VAPB: variants seen among roughly 807,000 people sequenced by gnomAD.
The protein encoded by VAPB is vesicle-associated membrane protein-associated protein B/C.
A neutral mutation model predicts 25.6 loss-of-function variants in VAPB; 7 were observed. The observed-to-expected ratio is 0.27, with a 90% CI of 0.16 to 0.51. The LOEUF (loss-of-function observed/expected upper bound fraction) is 0.51, where lower values mean the gene tolerates loss of function less well. VAPB is among the 20% of genes least tolerant of loss of function. The pLI is 0.97. For synonymous variants in VAPB, 112 were observed against 109.2 expected, an observed-to-expected ratio of 1.03 and a Z score of -0.16; for missense variants, 266 against 301.3, an observed-to-expected ratio of 0.88 and a Z score of 0.87.
chr20:58,389,253 C>A lies in VAPB; in HGVS notation c.-207C>A. ...TGCGTGCCGTCAGCTCGCCGGGCAC[C>A]GCGGCCTCGCCCTCGCCCTCCGCCC... On this transcript the variant is annotated 5_prime_UTR_variant, in exon 1 of 6. Coordinates refer to ENST00000475243, the MANE Select transcript of VAPB (RefSeq NM_004738.5). 2 of 667,318 alleles carry A rather than the reference C, an allele frequency of 3.0e-6. No individual in the cohort carries two copies. Among genetic ancestry groups the A allele is most frequent in the South Asian group, 1.5e-5 (1 of 65,086 alleles). The allele number at this position is 667,318 out of a possible 1,614,324, so 41.3% of individuals were successfully genotyped here. A position where few individuals can be genotyped will look rare whatever the true frequency, so the allele number is the denominator to read the frequency against.
In VAPB at chr20:58,446,153, G is replaced by C. The variant is rs1060844; in HGVS notation, c.*1918G>C. ...TACCCAGGCACCCATGGATTGTGTTGAGTGTGCAGACAGGGAGGCCACCCC... is the reference window on the plus strand; with the variant it reads ...TACCCAGGCACCCATGGATTGTGTTCAGTGTGCAGACAGGGAGGCCACCCC... On this transcript the variant is annotated 3_prime_UTR_variant, in exon 6 of 6. Transcript: ENST00000475243. 4.4e-6 allele frequency: 2 copies of C among 454,108 alleles called. No homozygotes were observed. Among genetic ancestry groups the C allele is most frequent in the Admixed American group, 4.7e-5 (2 of 42,580 alleles). The allele number at this position is 454,108 out of a possible 1,614,324, so 28.1% of individuals were successfully genotyped here.
At chr20:58,415,655 G>A (rs1363359752) in intron 1 of VAPB, among the ~76,000 whole-genome samples, 1 of 152,130 alleles carries the variant, frequency 6.6e-6, no homozygotes, top group Non-Finnish European at 1.5e-5. Flanking sequence ...AAAATTGACT[G>A]TACTTTATAA....
chr20:58,401,777 C>T (rs1038614110), intron 1 of VAPB, among the ~76,000 whole-genome samples: 8 of 152,166 alleles, frequency 5.3e-5, no homozygotes, highest in Admixed American at 2.0e-4. Context: ...CTGACCCAAG[C>T]CCATATAAAA....
chr20:58,389,649 C>T lies in VAPB; in HGVS notation c.58+132C>T, dbSNP rs1194074825. 12 of 976,582 alleles carry T rather than the reference C, an allele frequency of 1.2e-5. No homozygotes were observed. In the Admixed American group the frequency reaches 3.9e-4, roughly 32 times the overall value. 60.5% of individuals were successfully genotyped at this position (976,582 alleles called of 1,614,324 possible). Reference sequence around the variant, plus strand: ...GCGCTGTCGCGGGGGGCGGCGAGGCCGGGCCGGGCCTTGGCGCTCGCCGCG... The same window carrying T: ...GCGCTGTCGCGGGGGGCGGCGAGGCTGGGCCGGGCCTTGGCGCTCGCCGCG... On this transcript the variant is annotated intron_variant, in intron 1 of 5. Transcript: ENST00000475243.
In VAPB at chr20:58,389,237, T is replaced by A. The variant is rs914956197; in HGVS notation, c.-223T>A. On this transcript the variant is annotated 5_prime_UTR_variant, in exon 1 of 6. Transcript: ENST00000475243. The stretch of plus-strand genomic sequence containing the variant: ...TGCGTGCGTGCGTGCGTGCGTGCCG[T>A]CAGCTCGCCGGGCACCGCGGCCTCG... 10 of 645,546 alleles carry A rather than the reference T, an allele frequency of 1.5e-5. No individual in the cohort carries two copies. Among genetic ancestry groups the A allele is most frequent in the South Asian group, 3.1e-5 (2 of 64,668 alleles). 40.0% of individuals were successfully genotyped at this position (645,546 alleles called of 1,614,324 possible).
intron 4 of VAPB, chr20:58,439,274 C>G (rs1361987379): frequency 2.0e-6 from 1 of 502,348 alleles, no homozygotes; most frequent in Admixed American, 3.2e-5. Flanking sequence ...ATTGAGATGT[C>G]ATAAATCCTG....
At chr20:58,396,065 G>C (rs1318999571) in intron 1 of VAPB, among the ~76,000 whole-genome samples, 1 of 152,098 alleles carries the variant, frequency 6.6e-6, no homozygotes, top group Non-Finnish European at 1.5e-5. Flanking sequence ...TTGGGGGTTG[G>C]GAAGCAGTTG....
intron 1 of VAPB, among the ~76,000 whole-genome samples, chr20:58,412,498 A>G (rs1988404845): frequency 7.1e-6 from 1 of 141,720 alleles, no homozygotes; most frequent in Admixed American, 7.5e-5. Flanking sequence ...AATCGCTTGA[A>G]CCTGGGAGGT....
At chr20:58,432,153 G>T (rs181766932) in intron 2 of VAPB, among the ~76,000 whole-genome samples, 14 of 152,204 alleles carry the variant, frequency 9.2e-5, no homozygotes, top group Admixed American at 9.2e-4. Context: ...TACTCCCACT[G>T]CCTCTAGGAA....
chr20:58,391,487 C>G (rs901848543), intron 1 of VAPB, among the ~76,000 whole-genome samples: 2 of 151,394 alleles, frequency 1.3e-5, no homozygotes, highest in Non-Finnish European at 2.9e-5. Flanking sequence ...ATTGCATGCA[C>G]AGAGGCACAA....
intron 1 of VAPB, among the ~76,000 whole-genome samples, chr20:58,412,625 A>G (rs562119508): frequency 7.3e-5 from 11 of 151,528 alleles, no homozygotes; most frequent in South Asian, 2.1e-4. Context: ...AAAAACTTCT[A>G]TCTTGCCATT....
At chr20:58,435,008 C>T (rs749069977) in intron 3 of VAPB, among the ~76,000 whole-genome samples, 2 of 152,180 alleles carry the variant, frequency 1.3e-5, no homozygotes, top group Admixed American at 1.3e-4. Flanking sequence ...TGCCTTCTTT[C>T]GCCTCTCCTT....
chr20:58,443,471 A>G (rs1989207438), intron 5 of VAPB, among the ~76,000 whole-genome samples: 1 of 146,870 alleles, frequency 6.8e-6, no homozygotes, highest in African/African-American at 2.6e-5. Flanking sequence ...ATTTTAGTAG[A>G]GACGAGGTTT....
chr20:58,430,024 A>G (rs921373877), intron 2 of VAPB, among the ~76,000 whole-genome samples: 2 of 151,678 alleles, frequency 1.3e-5, no homozygotes, highest in Non-Finnish European at 2.9e-5. Context: ...CCTGGACAAC[A>G]TAGCAAGACC....
In VAPB at chr20:58,448,933, T is replaced by C; in HGVS notation, c.*4698T>C. 2.2e-6 allele frequency: 1 copy of C among 454,086 alleles called. No individual in the cohort carries two copies. Among genetic ancestry groups the C allele is most frequent in the Non-Finnish European group, 4.4e-6 (1 of 226,796 alleles). 28.1% of individuals were successfully genotyped at this position (454,086 alleles called of 1,614,324 possible). On this transcript the variant is annotated 3_prime_UTR_variant, in exon 6 of 6. Transcript: ENST00000475243. ...TTATATGGAGGCTTTACATGACTTG[T>C]AAATTAAATGTGAATGAGGGCAGTT...
chr20:58,444,574 T>C lies in VAPB; in HGVS notation c.*339T>C, dbSNP rs1471352181. The C allele has an allele frequency of 4.3e-6, 2 of 467,990 alleles. No individual in the cohort carries two copies. Among genetic ancestry groups the C allele is most frequent in the Non-Finnish European group, 8.5e-6 (2 of 236,276 alleles). The allele number at this position is 467,990 out of a possible 1,614,324, so 29.0% of individuals were successfully genotyped here. On this transcript the variant is annotated 3_prime_UTR_variant, in exon 6 of 6. Coordinates refer to ENST00000475243, the MANE Select transcript of VAPB (RefSeq NM_004738.5). Reference sequence around the variant, plus strand: ...GGTACATGATGCTGGATTACCTCTCTTAAAATGACACCCTTCCTCGCCTGT... The same window carrying C: ...GGTACATGATGCTGGATTACCTCTCCTAAAATGACACCCTTCCTCGCCTGT...
chr20:58,449,380 T>C lies in VAPB; in HGVS notation c.*5145T>C, dbSNP rs79674150. On this transcript the variant is annotated 3_prime_UTR_variant, in exon 6 of 6. Coordinates refer to ENST00000475243, the MANE Select transcript of VAPB (RefSeq NM_004738.5). ...AACTCACATAAACAGTTATGGATGA[T>C]AGTTAAAAGAGAAACGGGTGGAGGT... The C allele has an allele frequency of 2.6e-5, 12 of 453,754 alleles. No homozygotes were observed. Among genetic ancestry groups the C allele is most frequent in the East Asian group, 6.9e-5 (1 of 14,400 alleles). The allele number at this position is 453,754 out of a possible 1,614,324, so 28.1% of individuals were successfully genotyped here. A position where few individuals can be genotyped will look rare whatever the true frequency, so the allele number is the denominator to read the frequency against.
At chr20:58,391,438 CAAA>C (rs2123010192) in intron 1 of VAPB, among the ~76,000 whole-genome samples, 1 of 151,986 alleles carries the variant, frequency 6.6e-6, no homozygotes, top group South Asian at 2.1e-4. Context: ...GAAGAAGGCT[CAAA>C]GAAGGAAAGG....
At chr20:58,408,180 T>C (rs1988278537) in intron 1 of VAPB, among the ~76,000 whole-genome samples, 1 of 152,208 alleles carries the variant, frequency 6.6e-6, no homozygotes, top group Non-Finnish European at 1.5e-5. Flanking sequence ...GATGGCATCA[T>C]CAGTGAGAGT....
Sources: gnomAD v4.1 joint callset for allele counts (sites outside exome capture counted in the v4.1 genomes callset) on GRCh38, gnomAD v4.1.1 for gene constraint, MANE v1.5 for transcripts, NCBI Gene and HGNC (gene_info 2026-07-23, HGNC 2026-07-21) for gene names.